Variants in MLLT10 observed in about 807,000 individuals in gnomAD.
MLLT10 encodes protein AF-10.
Under a neutral mutation model 129.1 loss-of-function variants are expected in MLLT10, and 30 were observed. The ratio of observed to expected loss-of-function variants is 0.23; its 90% CI spans 0.17 to 0.32. The LOEUF (loss-of-function observed/expected upper bound fraction) is 0.32. Among genes scored for constraint, MLLT10 ranks in the 10% least tolerant of loss-of-function variants. The probability of loss-of-function intolerance (pLI) is 1.00; values close to 1 mark genes in which losing one functional copy is unlikely to be tolerated. For missense variants in MLLT10, 1,119 were observed against 1,268.3 expected (o/e 0.88, Z 1.79); for synonymous variants, 490 against 446.4 (o/e 1.10, Z -1.23).
intron 8 of MLLT10, among the ~76,000 whole-genome samples, chr10:21,632,294 C>CT (rs1244294378): frequency 3.3e-5 from 5 of 152,000 alleles, no homozygotes; most frequent in Admixed American, 3.3e-4. Context: ...TTTTTTGCAA[C>CT]TTGTAAGGTT....
chr10:21,594,810 G>A (rs1054966744), intron 4 of MLLT10, among the ~76,000 whole-genome samples: 3 of 150,744 alleles, frequency 2.0e-5, no homozygotes, highest in Non-Finnish European at 4.4e-5. Flanking sequence ...CTCCAGCCTG[G>A]GCAACAAGAG....
intron 3 of MLLT10, among the ~76,000 whole-genome samples, chr10:21,577,508 G>T (rs1166221569): frequency 1.3e-5 from 2 of 148,350 alleles, no homozygotes; most frequent in African/African-American, 5.0e-5. Flanking sequence ...CTGTTGCCCA[G>T]GCTGGAGTGC....
intron 21 of MLLT10, among the ~76,000 whole-genome samples, chr10:21,736,764 A>G (rs1243140205): frequency 2.6e-5 from 4 of 152,202 alleles, no homozygotes; most frequent in African/African-American, 9.7e-5. Flanking sequence ...GTACAAGTCA[A>G]ATGGAGATAA....
At chr10:21,691,721 AT>A (rs2053865099) in intron 13 of MLLT10, among the ~76,000 whole-genome samples, 1 of 152,142 alleles carries the variant, frequency 6.6e-6, no homozygotes, top group Non-Finnish European at 1.5e-5. Context: ...GAAATTTTAT[AT>A]ATTCAGCTAT....
intron 9 of MLLT10, among the ~76,000 whole-genome samples, chr10:21,655,121 G>A (rs1388273138): frequency 1.3e-5 from 2 of 152,206 alleles, no homozygotes; most frequent in African/African-American, 4.8e-5. Context: ...AATCTAGGAT[G>A]TGATCAGGGC....
At chr10:21,595,051 T>C (rs1036822471) in intron 4 of MLLT10, among the ~76,000 whole-genome samples, 8 of 152,182 alleles carry the variant, frequency 5.3e-5, no homozygotes, top group Non-Finnish European at 8.8e-5. Flanking sequence ...ATATTTAGTC[T>C]GCCTGTATAA....
chr10:21,556,760 G>A, intron 3 of MLLT10: 5 of 1,607,186 alleles, frequency 3.1e-6, no homozygotes, highest in Non-Finnish European at 4.2e-6. Flanking sequence ...CGTTCCTCCA[G>A]TTTCTGGTGC....
chr10:21,695,026 C>A (rs1368671434), intron 13 of MLLT10, among the ~76,000 whole-genome samples: 1 of 150,464 alleles, frequency 6.6e-6, no homozygotes, highest in Non-Finnish European at 1.5e-5. Context: ...CTCTCACTTT[C>A]TCTTCTGCCG....
At chr10:21,673,318 C>CGT in intron 10 of MLLT10, 32 bp from the exon 11 acceptor site, 1 of 307,342 alleles carries the variant, frequency 3.3e-6, no homozygotes, top group Non-Finnish European at 5.0e-6. Context: ...CACCCCCCAA[C>CGT]TTTTTTTTTT....
chr10:21,706,706 T>C (rs1446668076), intron 13 of MLLT10, among the ~76,000 whole-genome samples: 1 of 152,232 alleles, frequency 6.6e-6, no homozygotes, highest in Non-Finnish European at 1.5e-5. Flanking sequence ...CATTATTATT[T>C]CTGTCATTAG....
At chr10:21,549,641 C>T (rs1316801114) in intron 3 of MLLT10, among the ~76,000 whole-genome samples, 3 of 149,890 alleles carry the variant, frequency 2.0e-5, no homozygotes, top group Non-Finnish European at 4.4e-5. Flanking sequence ...AAGTGTGGTC[C>T]TCTAACTGAG....
chr10:21,741,886 A>T (rs921974672), intron 22 of MLLT10, 53 bp from the exon 23 acceptor site: 62 of 1,567,988 alleles, frequency 4.0e-5, no homozygotes, highest in Admixed American at 5.4e-5. Flanking sequence ...AATTCGGAGA[A>T]TATTATCAAA....
intron 8 of MLLT10, among the ~76,000 whole-genome samples, chr10:21,631,171 G>A (rs139345404): frequency 0.012 from 1,796 of 151,920 alleles, 32 homozygotes; most frequent in African/African-American, 0.041. Flanking sequence ...AAAATTAGTC[G>A]GGCATGGTGG....
chr10:21,689,752 C>T lies in MLLT10; in HGVS notation c.1699+7495C>T, dbSNP rs995195927. 2.0e-5 allele frequency among the ~76,000 whole-genome samples: 3 copies of T among 150,282 alleles called. 1 individual carries two copies. The highest frequency in any genetic ancestry group is 7.4e-5 in the African/African-American group (3 of 40,744). ...AGCTATTAGTCCAAGGAGTTGAAAG[C>T]AGTTGGTGTTGAGTTGGAAAAAAGA... On this transcript the variant is annotated intron_variant, in intron 13 of 22. Coordinates refer to ENST00000307729, the MANE Select transcript of MLLT10 (RefSeq NM_001195626.3).
intron 5 of MLLT10, among the ~76,000 whole-genome samples, chr10:21,612,074 G>T (rs946305345): frequency 6.6e-6 from 1 of 152,166 alleles, no homozygotes; most frequent in African/African-American, 2.4e-5. Flanking sequence ...CAGCCTCAGT[G>T]CCTGGGAAGA....
At chr10:21,687,381 C>G (rs1463360077) in intron 13 of MLLT10, among the ~76,000 whole-genome samples, 2 of 152,110 alleles carry the variant, frequency 1.3e-5, no homozygotes, top group African/African-American at 4.8e-5. Context: ...AATACTCAGG[C>G]TCATATAATT....
chr10:21,717,399 G>C (rs1032251469), intron 14 of MLLT10, among the ~76,000 whole-genome samples: 1 of 113,724 alleles, frequency 8.8e-6, no homozygotes, highest in East Asian at 3.1e-4. Flanking sequence ...ATTGGCGGGT[G>C]GGGGGTGGGG....
At chr10:21,643,507 C>G (rs1310539909) in intron 8 of MLLT10, among the ~76,000 whole-genome samples, 1 of 152,166 alleles carries the variant, frequency 6.6e-6, no homozygotes, top group African/African-American at 2.4e-5. Flanking sequence ...CTTAAATTGG[C>G]TGAATTTTAT....
chr10:21,564,340 C>G (rs528156266), intron 3 of MLLT10: 19 of 152,254 alleles, frequency 1.2e-4, no homozygotes, highest in African/African-American at 4.6e-4. Context: ...ATGCTCCCGA[C>G]TGGTCTCCTA....
Sources: allele counts gnomAD v4.1 joint callset (sites outside exome capture counted in the v4.1 genomes callset), GRCh38; gene constraint gnomAD v4.1.1; transcripts MANE v1.5; gene names NCBI Gene and HGNC (gene_info 2026-07-23, HGNC 2026-07-21).